Variants in PCDH11X observed in about 807,000 individuals in gnomAD.
PCDH11X encodes protocadherin-11 X-linked.
A neutral mutation model predicts 53.3 loss-of-function variants in PCDH11X; 18 were observed. The observed-to-expected ratio is 0.34, with a 90% confidence interval of 0.23 to 0.50. PCDH11X has a LOEUF of 0.50. Ranked by LOEUF, PCDH11X falls within the 20% of genes least tolerant of loss-of-function variation. The pLI, the probability that PCDH11X is intolerant of heterozygous loss-of-function variation, is 0.98. For missense variants in PCDH11X, 570 were observed against 1,032.4 expected (o/e 0.55, Z 6.14); for synonymous variants, 279 against 393.3 (o/e 0.71, Z 3.44).
chrX:91,922,955 C>A (rs1941802262), intron 6 of PCDH11X, among the ~76,000 whole-genome samples: 1 of 111,281 alleles, frequency 9.0e-6, no homozygotes, highest in African/African-American at 3.3e-5. Context: ...ATGGACTCTA[C>A]AAAAGAACAG....
chrX:92,207,131 C>A (rs1264500886), intron 7 of PCDH11X, among the ~76,000 whole-genome samples: 1 of 111,434 alleles, frequency 9.0e-6, no homozygotes, highest in African/African-American at 3.3e-5. Context: ...TTAAATCAAA[C>A]CACCCTGAAA....
At chrX:92,576,492 T>C (rs2148780805) in intron 10 of PCDH11X, among the ~76,000 whole-genome samples, 1 of 94,729 alleles carries the variant, frequency 1.1e-5, no homozygotes, top group East Asian at 3.3e-4. Context: ...TCTTTTTGCT[T>C]TCCTGTATTT....
intron 6 of PCDH11X, among the ~76,000 whole-genome samples, chrX:92,043,821 C>A (rs1454127995): frequency 2.7e-5 from 3 of 111,239 alleles, no homozygotes; most frequent in Non-Finnish European, 5.7e-5. Flanking sequence ...ATAGGCATAA[C>A]TTTCTTGAAG....
chrX:92,223,435 A>G (rs2066916089), intron 7 of PCDH11X, among the ~76,000 whole-genome samples: 1 of 111,869 alleles, frequency 8.9e-6, no homozygotes, highest in Non-Finnish European at 1.9e-5. Flanking sequence ...TTCCCCCAGT[A>G]CAATGTGAGT....
intron 6 of PCDH11X, among the ~76,000 whole-genome samples, chrX:92,147,980 C>CTTT (rs1569388717): frequency 3.8e-5 from 3 of 78,581 alleles, no homozygotes; most frequent in African/African-American, 2.2e-4. Context: ...TTCCTTCCTT[C>CTTT]CTTCCTTTCT....
At chrX:92,513,149 T>G (rs1392737383) in intron 10 of PCDH11X, among the ~76,000 whole-genome samples, 1 of 111,095 alleles carries the variant, frequency 9.0e-6, no homozygotes, top group Non-Finnish European at 1.9e-5. Context: ...ATTGTTAAAA[T>G]CCGAACAAAA....
At chrX:92,335,397 C>A (rs1331283012) in intron 8 of PCDH11X, among the ~76,000 whole-genome samples, 1 of 108,699 alleles carries the variant, frequency 9.2e-6, no homozygotes, top group Admixed American at 1.0e-4. Context: ...CATCTATAAT[C>A]AGGAATCTGA....
intron 9 of PCDH11X, among the ~76,000 whole-genome samples, chrX:92,406,499 TGCA>T (rs2071518743): frequency 9.8e-6 from 1 of 102,026 alleles, no homozygotes; most frequent in Non-Finnish European, 2.0e-5. Context: ...AAAAGGAATG[TGCA>T]AGTTTTATTA....
At chrX:92,501,720 T>A (rs1362368032) in intron 10 of PCDH11X, among the ~76,000 whole-genome samples, 1 of 111,378 alleles carries the variant, frequency 9.0e-6, no homozygotes, top group Admixed American at 9.6e-5. Flanking sequence ...GGAACAGACC[T>A]CAAAATAATA....
intron 5 of PCDH11X, among the ~76,000 whole-genome samples, chrX:91,836,422 A>G (rs911184307): frequency 3.8e-5 from 4 of 106,078 alleles, no homozygotes; most frequent in Non-Finnish European, 3.8e-5. Flanking sequence ...CTGATTATCA[A>G]TTTTTCCTAG....
intron 4 of PCDH11X, among the ~76,000 whole-genome samples, chrX:91,812,076 C>T (rs1456004381): frequency 9.0e-6 from 1 of 110,533 alleles, no homozygotes. Flanking sequence ...TAGTGATTAG[C>T]GTGTACTCCA....
rs545385820 is a variant in PCDH11X at position 92,080,398 on chromosome X, T to A, written c.3034-120977T>A. On this transcript the variant is annotated intron_variant, in intron 6 of 10. Transcript: ENST00000682573. Reference sequence around the variant, plus strand: ...TTGATAATTGTTGCTGTTGTTGATGTTGTATTACTCGGAATGTATAAAAAT... The same window carrying A: ...TTGATAATTGTTGCTGTTGTTGATGATGTATTACTCGGAATGTATAAAAAT... Among the ~76,000 whole-genome samples the A allele has an allele frequency of 2.7e-5, 3 of 111,212 alleles. No homozygotes were observed. In the South Asian group the frequency reaches 1.1e-3, roughly 42 times the overall value.
chrX:92,009,985 G>T (rs2062663837), intron 6 of PCDH11X, among the ~76,000 whole-genome samples: 1 of 110,778 alleles, frequency 9.0e-6, no homozygotes, highest in Non-Finnish European at 1.9e-5. Flanking sequence ...GATTACAGGT[G>T]TGTGCCACCT....
chrX:92,282,210 C>G (rs1418261180), intron 8 of PCDH11X, among the ~76,000 whole-genome samples: 1 of 111,255 alleles, frequency 9.0e-6, no homozygotes, highest in Non-Finnish European at 1.9e-5. Context: ...AAATAATTAT[C>G]TGTAAAAATA....
chrX:92,170,621 A>G (rs1416930828), intron 6 of PCDH11X, among the ~76,000 whole-genome samples: 3 of 109,085 alleles, frequency 2.8e-5, no homozygotes, highest in Non-Finnish European at 3.8e-5. Context: ...TTTTAGAGAC[A>G]GCATCTTGCT....
At chrX:92,351,012 A>G (rs2070032084) in intron 8 of PCDH11X, among the ~76,000 whole-genome samples, 1 of 112,097 alleles carries the variant, frequency 8.9e-6, no homozygotes, top group South Asian at 3.7e-4. Flanking sequence ...GAAGTTCTAT[A>G]GATGATTTTC....
intron 9 of PCDH11X, among the ~76,000 whole-genome samples, chrX:92,402,718 G>A (rs1267437353): frequency 9.0e-6 from 1 of 110,743 alleles, no homozygotes; most frequent in Admixed American, 9.7e-5. Context: ...ATAGGAACTG[G>A]CAAAGATTTC....
At chrX:92,152,825 T>C (rs1425415002) in intron 6 of PCDH11X, among the ~76,000 whole-genome samples, 1 of 110,839 alleles carries the variant, frequency 9.0e-6, no homozygotes, top group Non-Finnish European at 1.9e-5. Flanking sequence ...TGAGACGGAG[T>C]CTAGCTCTGT....
At chrX:92,254,154 C>T (rs2067515890) in intron 7 of PCDH11X, among the ~76,000 whole-genome samples, 1 of 112,257 alleles carries the variant, frequency 8.9e-6, no homozygotes, top group African/African-American at 3.2e-5. Context: ...ATTTTATCAT[C>T]TGTTTTTTCA....
Sources: gnomAD v4.1 joint callset for allele counts (sites outside exome capture counted in the v4.1 genomes callset) on GRCh38, gnomAD v4.1.1 for gene constraint, MANE v1.5 for transcripts, NCBI Gene and HGNC (gene_info 2026-07-23, HGNC 2026-07-21) for gene names.